Variants in TAB1 observed in about 807,000 individuals in gnomAD.
TAB1 encodes TGF-beta activated kinase 1 (MAP3K7) binding protein 1.
TAB1 carries 30 observed loss-of-function variants against 54.5 expected under a neutral mutation model. The ratio of observed to expected loss-of-function variants is 0.55; its 90% CI spans 0.41 to 0.75. The LOEUF (loss-of-function observed/expected upper bound fraction) is 0.75. TAB1 is among the 30% of genes least tolerant of loss of function. The probability of loss-of-function intolerance (pLI) is 0.00; values close to 1 mark genes in which losing one functional copy is unlikely to be tolerated. For missense variants in TAB1, 609 were observed against 683.2 expected, an observed-to-expected ratio of 0.89 and a Z score of 1.21; for synonymous variants, 289 against 286.9, an observed-to-expected ratio of 1.01 and a Z score of -0.07.
chr22:39,429,493 T>C, intron 10 of TAB1: 1 of 565,342 alleles, frequency 1.8e-6, no homozygotes, highest in Non-Finnish European at 2.2e-6. Context: ...TTCCATTTTT[T>C]TGAGACGGAG....
intron 8 of TAB1, among the ~76,000 whole-genome samples, chr22:39,424,537 C>T (rs749419884): frequency 1.3e-5 from 2 of 151,272 alleles, no homozygotes; most frequent in African/African-American, 2.4e-5. Flanking sequence ...CTCCACCTCC[C>T]GGGTTCAAGT....
intron 10 of TAB1, 132 bp from the exon 11 acceptor site, chr22:39,429,883 C>G: frequency 6.6e-7 from 1 of 1,514,836 alleles, no homozygotes; most frequent in Non-Finnish European, 8.8e-7. Context: ...GGGCCAGCTC[C>G]TATGGTCACC....
chr22:39,417,811 C>T lies in TAB1; in HGVS notation c.512C>T (p.Ala171Val), dbSNP rs770156603. 46 of 1,612,502 alleles carry T rather than the reference C, an allele frequency of 2.9e-5. No individual in the cohort carries two copies. The highest frequency in any genetic ancestry group is 3.3e-4 in the Middle Eastern group (2 of 6,062). Residue 171 changes from alanine to valine, a missense_variant, in exon 5 of 11, where the codon GCG (alanine) becomes GTG (valine). Physicochemically the swap from Ala to Val is moderately conservative, Grantham distance 64. Coordinates refer to ENST00000216160, the MANE Select transcript of TAB1 (RefSeq NM_006116.3). Reference protein sequence around the residue: ...EISGGAMAVVAVLLNNKLYVA... With the variant: ...EISGGAMAVVVVLLNNKLYVA... ...TCGGGAGGGGCCATGGCCGTTGTGGCGGTCCTTCTCAACAACAAGCTCTAC... is the reference window on the plus strand; with the variant it reads ...TCGGGAGGGGCCATGGCCGTTGTGGTGGTCCTTCTCAACAACAAGCTCTAC...
chr22:39,428,047 T>A lies in TAB1; in HGVS notation c.1171T>A (p.Ser391Thr), dbSNP rs1927426039. 1 of 1,611,464 alleles carries A rather than the reference T, an allele frequency of 6.2e-7. No homozygotes were observed. Among genetic ancestry groups the A allele is most frequent in the South Asian group, 1.1e-5 (1 of 90,926 alleles). Reference protein sequence around the residue: ...PAAGGRVYPVSVPYSSAQSTS... With the variant: ...PAAGGRVYPVTVPYSSAQSTS... ...TGCAGGAGGACGAGTGTACCCTGTG[T>A]CTGTGCCATACTCCAGCGCCCAGAG... The change falls in exon 10 of 11, where the codon TCT becomes ACT. Residue 391 changes from serine to threonine, a missense_variant. Coordinates refer to ENST00000216160, the MANE Select transcript of TAB1 (RefSeq NM_006116.3).
At chr22:39,435,094 G>A (rs929265849), downstream of TAB1, among the ~76,000 whole-genome samples, 2 of 152,158 alleles carry the variant, frequency 1.3e-5, no homozygotes, top group Non-Finnish European at 2.9e-5. Flanking sequence ...TTCGCTGCAG[G>A]ATATGTCATC....
intron 7 of TAB1, among the ~76,000 whole-genome samples, chr22:39,420,089 T>A (rs1601694011): frequency 6.6e-6 from 1 of 152,100 alleles, no homozygotes. Context: ...GCAGCAGAGG[T>A]GTGAGATGAA....
intron 1 of TAB1, among the ~76,000 whole-genome samples, chr22:39,411,677 T>C (rs568495942): frequency 2.0e-5 from 3 of 152,330 alleles, no homozygotes; most frequent in South Asian, 2.1e-4. Flanking sequence ...CAGGTTCTTA[T>C]AAAGTTAAAC....
intron 1 of TAB1, among the ~76,000 whole-genome samples, chr22:39,413,338 G>T (rs1926687344): frequency 6.6e-6 from 1 of 152,092 alleles, no homozygotes; most frequent in Non-Finnish European, 1.5e-5. Flanking sequence ...TTCCTTGCCA[G>T]TTTGGATGCC....
downstream of TAB1, among the ~76,000 whole-genome samples, chr22:39,435,517 C>G (rs371809299): frequency 9.2e-5 from 14 of 152,300 alleles, no homozygotes; most frequent in East Asian, 2.7e-3. Flanking sequence ...TGCTGGCGCC[C>G]ATTTTACAGA....
chr22:39,415,776 G>A lies in TAB1; in HGVS notation c.324+123G>A, dbSNP rs5750817. On this transcript the variant is annotated intron_variant, in intron 3 of 10. Transcript: ENST00000216160. The surrounding 1 kb of genome is among the most constrained non-coding windows in gnomAD (Gnocchi z 4.9). ...AGATCCTGCCGGCCCCTTCACCCCA[G>A]TAGAGGAGCAGCTCCCAGCGTAGGC... The A allele has an allele frequency of 2.3e-6, 3 of 1,305,030 alleles. No individual in the cohort carries two copies. Among genetic ancestry groups the A allele is most frequent in the Non-Finnish European group, 3.1e-6 (3 of 963,168 alleles). 80.8% of individuals were successfully genotyped at this position (1,305,030 alleles called of 1,614,324 possible).
chr22:39,430,794 C>T lies in TAB1; in HGVS notation c.*572C>T. ...CATCTGTTGTAAACGTTCAGGAGGA[C>T]CAGGGCAGCATCTGGGGCCTGGGAT... On this transcript the variant is annotated 3_prime_UTR_variant, in exon 11 of 11. Transcript: ENST00000216160. The T allele has an allele frequency of 1.0e-6, 1 of 994,596 alleles. No individual in the cohort carries two copies. The highest frequency in any genetic ancestry group is 1.2e-6 in the Non-Finnish European group (1 of 834,304). The allele number at this position is 994,596 out of a possible 1,614,324, so 61.6% of individuals were successfully genotyped here.
Position 39,418,838 on chromosome 22 carries a change from G to C in TAB1, c.657G>C (p.Ser219=). ...TENEDELFRL[S]QLGLDAGKIK... ...ACGAGGATGAGCTCTTCCGTCTTTC[G>C]CAGCTGGGTGAGTGGGGAGAGTGGG... is the stretch of plus-strand genomic sequence containing the variant. Residue 219 remains serine (S), a synonymous_variant, in exon 6 of 11, where the codon TCG becomes TCC. Coordinates refer to ENST00000216160, the MANE Select transcript of TAB1 (RefSeq NM_006116.3). 6.2e-7 allele frequency: 1 copy of C among 1,613,432 alleles called. No homozygotes were observed. The highest frequency in any genetic ancestry group is 8.5e-7 in the Non-Finnish European group (1 of 1,179,474).
At chr22:39,433,427 TG>T, downstream of TAB1, 1 of 976,176 alleles carries the variant, frequency 1.0e-6, no homozygotes, top group Non-Finnish European at 1.2e-6. Flanking sequence ...CTCCAGAGCC[TG>T]GGCGACAGAG....
At chr22:39,414,239 G>A (rs1187782443) in intron 1 of TAB1, among the ~76,000 whole-genome samples, 2 of 152,178 alleles carry the variant, frequency 1.3e-5, no homozygotes, top group Non-Finnish European at 2.9e-5. Context: ...CCGGAGAATT[G>A]GTAGGGAAGA....
chr22:39,415,172 C>A lies in TAB1; in HGVS notation c.170+30C>A, dbSNP rs1182793820. On this transcript the variant is annotated intron_variant, in intron 2 of 10. Transcript: ENST00000216160. This position sits in a 1 kb window ranked among gnomAD's most constrained non-coding sequence, Gnocchi z 4.9. ...GTGTGCCAGCATTTCTGTGTTGGGC[C>A]CGGGGAGTTGGTTGGTTTGCAAGCA... The A allele has an allele frequency of 1.3e-6, 2 of 1,544,466 alleles. No individual in the cohort carries two copies. The highest frequency in any genetic ancestry group is 1.8e-6 in the Non-Finnish European group (2 of 1,142,566).
intron 1 of TAB1, among the ~76,000 whole-genome samples, chr22:39,411,307 T>C (rs1782328546): frequency 6.6e-6 from 1 of 152,224 alleles, no homozygotes; most frequent in South Asian, 2.1e-4. Context: ...ATGGATTAAA[T>C]GGACTTCATC....
rs1238103014 is a variant in TAB1 at position 39,431,476 on chromosome 22, C to T, written c.*1254C>T. Reference sequence around the variant, plus strand: ...CCCTCCCCATCTCCCAGTCTCCCTGCCCCCCATGCCCCAGACCGGCCCACC... The same window carrying T: ...CCCTCCCCATCTCCCAGTCTCCCTGTCCCCCATGCCCCAGACCGGCCCACC... On this transcript the variant is annotated 3_prime_UTR_variant, in exon 11 of 11. Coordinates refer to ENST00000216160, the MANE Select transcript of TAB1 (RefSeq NM_006116.3). 3.0e-6 allele frequency: 3 copies of T among 985,590 alleles called. No homozygotes were observed. Among genetic ancestry groups the T allele is most frequent in the Admixed American group, 6.1e-5 (1 of 16,286 alleles). 61.1% of individuals were successfully genotyped at this position (985,590 alleles called of 1,614,324 possible).
chr22:39,417,437 G>A (rs1220927293), intron 4 of TAB1, among the ~76,000 whole-genome samples: 1 of 152,138 alleles, frequency 6.6e-6, no homozygotes, highest in Non-Finnish European at 1.5e-5. Context: ...TGGCTAACAT[G>A]GTGAAACCCC....
downstream of TAB1, chr22:39,436,684 C>A: frequency 1.1e-5 from 9 of 856,972 alleles, no homozygotes; most frequent in South Asian, 1.3e-4. Context: ...GGCCCCGCCC[C>A]CTCCCCGGGA....
Sources: gnomAD v4.1 joint callset for allele counts (sites outside exome capture counted in the v4.1 genomes callset) on GRCh38, gnomAD v4.1.1 for gene constraint, Gnocchi (gnomAD v3.1) non-coding constraint, MANE v1.5 for transcripts, NCBI Gene and HGNC (gene_info 2026-07-23, HGNC 2026-07-21) for gene names.